Variants in RIMS1 observed in about 807,000 individuals in gnomAD.
RIMS1 encodes the protein regulating synaptic membrane exocytosis protein 1.
Under a neutral mutation model 214.1 loss-of-function variants are expected in RIMS1, and 83 were observed. That is an observed-to-expected ratio of 0.39 (90% CI 0.32 to 0.47). The LOEUF is 0.47. RIMS1 is among the 20% of genes least tolerant of loss of function. RIMS1 has a pLI of 0.99. For synonymous variants in RIMS1, 793 were observed against 786.8 expected, an observed-to-expected ratio of 1.01 and a Z score of -0.13; for missense variants, 2,050 against 2,161.8, an observed-to-expected ratio of 0.95 and a Z score of 1.03.
chr6:72,295,600 A>G (rs997744695), intron 26 of RIMS1, among the ~76,000 whole-genome samples: 6 of 151,928 alleles, frequency 3.9e-5, no homozygotes, highest in Middle Eastern at 3.4e-3. Context: ...ATTCAAGTTA[A>G]GATGTTTTAA....
intron 4 of RIMS1, among the ~76,000 whole-genome samples, chr6:72,166,970 G>A (rs542069394): frequency 6.6e-6 from 1 of 151,890 alleles, no homozygotes; most frequent in Non-Finnish European, 1.5e-5. Context: ...GGCGTATAGA[G>A]GTTTAAAAAG....
intron 2 of RIMS1, among the ~76,000 whole-genome samples, chr6:71,991,785 C>T (rs1052036904): frequency 5.3e-5 from 8 of 152,096 alleles, no homozygotes; most frequent in African/African-American, 1.2e-4. Flanking sequence ...TAAAATAGGC[C>T]GGGCCCAGTG....
At chr6:72,336,299 T>C (rs1168240939) in intron 29 of RIMS1, among the ~76,000 whole-genome samples, 1 of 151,844 alleles carries the variant, frequency 6.6e-6, no homozygotes, top group Non-Finnish European at 1.5e-5. Flanking sequence ...ATAAAAACTA[T>C]ACTTGTGGCT....
chr6:72,004,817 G>C (rs1015195807), intron 2 of RIMS1, among the ~76,000 whole-genome samples: 1 of 151,312 alleles, frequency 6.6e-6, no homozygotes. Context: ...CCATTCTGTA[G>C]GTTGCCTGTT....
intron 10 of RIMS1, among the ~76,000 whole-genome samples, chr6:72,242,869 AT>A (rs34361450): frequency 6.6e-6 from 1 of 151,852 alleles, no homozygotes; most frequent in Non-Finnish European, 1.5e-5. Context: ...AGAATAAAAT[AT>A]TTTTTCTGTC....
chr6:72,164,414 A>C (rs1305457617), intron 4 of RIMS1, among the ~76,000 whole-genome samples: 2 of 151,950 alleles, frequency 1.3e-5, no homozygotes, highest in Non-Finnish European at 2.9e-5. Context: ...CCACTGTCTG[A>C]CACTCCCCAG....
intron 2 of RIMS1, among the ~76,000 whole-genome samples, chr6:72,023,294 T>A (rs1376009297): frequency 6.6e-6 from 1 of 152,182 alleles, no homozygotes. Context: ...TAGAACAGTG[T>A]CATACTTACG....
intron 6 of RIMS1, among the ~76,000 whole-genome samples, chr6:72,208,793 C>T (rs2053340094): frequency 6.6e-6 from 1 of 152,172 alleles, no homozygotes; most frequent in Non-Finnish European, 1.5e-5. Context: ...CAAACGTCTT[C>T]TCTCCAAATA....
intron 1 of RIMS1, among the ~76,000 whole-genome samples, chr6:71,902,461 G>A (rs1294866361): frequency 6.6e-6 from 1 of 152,064 alleles, no homozygotes; most frequent in Non-Finnish European, 1.5e-5. Flanking sequence ...AAGAGTCTTT[G>A]ATTTGACCTC....
intron 26 of RIMS1, among the ~76,000 whole-genome samples, chr6:72,293,782 T>C (rs1477272462): frequency 6.6e-6 from 1 of 151,842 alleles, no homozygotes; most frequent in Non-Finnish European, 1.5e-5. Context: ...TCATGTTCTA[T>C]TGTTAATATA....
intron 11 of RIMS1, among the ~76,000 whole-genome samples, chr6:72,247,242 C>A (rs780464357): frequency 6.6e-6 from 1 of 152,090 alleles, no homozygotes; most frequent in African/African-American, 2.4e-5. Context: ...TTACTTGAAG[C>A]AGCATTTTCA....
intron 7 of RIMS1, 54 bp from the exon 8 acceptor site, chr6:72,235,564 G>T: frequency 9.1e-7 from 1 of 1,100,658 alleles, no homozygotes; most frequent in South Asian, 1.4e-5. Flanking sequence ...TTTTATAGCT[G>T]AATGCATTAC....
At chr6:72,007,131 A>T (rs948892979) in intron 2 of RIMS1, among the ~76,000 whole-genome samples, 3 of 152,158 alleles carry the variant, frequency 2.0e-5, no homozygotes, top group Admixed American at 2.0e-4. Context: ...CAAAACTTCC[A>T]GAGGAACGAT....
intron 1 of RIMS1, among the ~76,000 whole-genome samples, chr6:71,906,696 G>T (rs1775350226): frequency 6.6e-6 from 1 of 152,092 alleles, no homozygotes. Flanking sequence ...TTCGAATCCT[G>T]AGATCCACCA....
At chr6:72,263,591 A>T in intron 19 of RIMS1, 1 of 985,374 alleles carries the variant, frequency 1.0e-6, no homozygotes, top group Non-Finnish European at 1.2e-6. Context: ...ATGCTTAGAA[A>T]AGTTTTATAG....
At chr6:72,301,358 G>T (rs1424485708) in intron 26 of RIMS1, among the ~76,000 whole-genome samples, 1 of 151,500 alleles carries the variant, frequency 6.6e-6, no homozygotes, top group African/African-American at 2.4e-5. Flanking sequence ...GTAGAAGTTG[G>T]ATATGCACTA....
intron 12 of RIMS1, 86 bp from the exon 13 acceptor site, chr6:72,250,244 A>T: frequency 7.7e-7 from 1 of 1,296,454 alleles, no homozygotes; most frequent in Non-Finnish European, 1.1e-6. Flanking sequence ...AAATTTCCTC[A>T]TTTAAATATA....
chr6:72,156,934 T>C (rs984065684), intron 4 of RIMS1, among the ~76,000 whole-genome samples: 23 of 141,148 alleles, frequency 1.6e-4, no homozygotes, highest in African/African-American at 5.6e-4. Flanking sequence ...GATGTAATCA[T>C]GTATAGGTAT....
intron 2 of RIMS1, among the ~76,000 whole-genome samples, chr6:72,087,415 T>G (rs1269857210): frequency 2.0e-5 from 3 of 152,224 alleles, no homozygotes; most frequent in Non-Finnish European, 4.4e-5. Flanking sequence ...TGCCTAATGA[T>G]TGCCTATCAA....
Sources: gnomAD v4.1 joint callset for allele counts (sites outside exome capture counted in the v4.1 genomes callset) on GRCh38, gnomAD v4.1.1 for gene constraint, MANE v1.5 for transcripts, NCBI Gene and HGNC (gene_info 2026-07-23, HGNC 2026-07-21) for gene names.